The following KCNMA1 variants were observed in gnomAD, a reference collection of about 807,000 sequenced individuals.
KCNMA1 encodes the protein potassium calcium-activated channel subfamily M alpha 1.
In KCNMA1, 29 loss-of-function variants were observed where a neutral mutation model predicts 140.0. That is an observed-to-expected ratio of 0.21 (90% CI 0.15 to 0.28). The LOEUF (loss-of-function observed/expected upper bound fraction) is 0.28, where lower values mean the gene tolerates loss of function less well. Ranked by LOEUF, KCNMA1 falls within the 10% of genes least tolerant of loss-of-function variation. KCNMA1 has a pLI of 1.00. For missense variants in KCNMA1, 880 were observed against 1,602.2 expected (o/e 0.55, Z 7.70); for synonymous variants, 612 against 611.9 (o/e 1.00, Z 0.00).
intron 23 of KCNMA1, among the ~76,000 whole-genome samples, chr10:76,936,939 C>T (rs982871266): frequency 3.9e-5 from 6 of 152,192 alleles, no homozygotes; most frequent in African/African-American, 1.4e-4. Flanking sequence ...CTGACAAACA[C>T]CATAGCTCTC....
At chr10:77,608,962 T>C (rs1053742629) in intron 1 of KCNMA1, among the ~76,000 whole-genome samples, 1 of 152,082 alleles carries the variant, frequency 6.6e-6, no homozygotes, top group African/African-American at 2.4e-5. Flanking sequence ...GGTGTGGGTA[T>C]AAAGAAAAGA....
intron 2 of KCNMA1, among the ~76,000 whole-genome samples, chr10:77,380,226 T>C (rs1013676714): frequency 1.5e-4 from 23 of 152,280 alleles, no homozygotes; most frequent in African/African-American, 5.1e-4. Context: ...ACATGGTGGG[T>C]ATCAATATAA....
chr10:77,284,507 G>GTTATTA lies in KCNMA1; in HGVS notation c.541-33257_541-33252dup, dbSNP rs144439307. On this transcript the variant is annotated intron_variant, in intron 2 of 27. Transcript: ENST00000286628. ...CTCTTTCAGGGGAGACTCTGTTGTTGTTATTATTATTATTATTATTGCTCA... is the reference window on the plus strand; with the variant it reads ...CTCTTTCAGGGGAGACTCTGTTGTTGTTATTATTATTATTATTATTATTATTGCTCA... 1.1e-4 allele frequency among the ~76,000 whole-genome samples: 16 copies of GTTATTA among 151,654 alleles called. No homozygotes were observed. In the South Asian group the frequency reaches 3.4e-3, roughly 32 times the overall value.
At chr10:77,224,997 A>G (rs2154194571) in intron 3 of KCNMA1, among the ~76,000 whole-genome samples, 1 of 152,302 alleles carries the variant, frequency 6.6e-6, no homozygotes, top group East Asian at 1.9e-4. Flanking sequence ...TTTTCTGTTT[A>G]CTTCTATGGT....
chr10:77,307,241 A>T (rs1243683161), intron 2 of KCNMA1, among the ~76,000 whole-genome samples: 1 of 152,088 alleles, frequency 6.6e-6, no homozygotes, highest in Non-Finnish European at 1.5e-5. Flanking sequence ...GGCCTTCAGA[A>T]ATTTCTCCCT....
At chr10:76,946,560 C>T (rs1311928177) in intron 22 of KCNMA1, among the ~76,000 whole-genome samples, 2 of 152,126 alleles carry the variant, frequency 1.3e-5, no homozygotes, top group African/African-American at 4.8e-5. Context: ...GAGGAAGGGG[C>T]ATTTAGCACT....
At chr10:77,523,677 A>G (rs2054427769) in intron 1 of KCNMA1, among the ~76,000 whole-genome samples, 1 of 152,248 alleles carries the variant, frequency 6.6e-6, no homozygotes. Context: ...TTGAATATGC[A>G]TATACTTTGT....
chr10:77,120,121 C>T (rs1048025714), intron 6 of KCNMA1, among the ~76,000 whole-genome samples: 3 of 152,162 alleles, frequency 2.0e-5, no homozygotes, highest in African/African-American at 7.2e-5. Flanking sequence ...GCATGAAGGG[C>T]AACCAAAGAG....
intron 2 of KCNMA1, among the ~76,000 whole-genome samples, chr10:77,266,448 C>T (rs2063465876): frequency 6.6e-6 from 1 of 152,172 alleles, no homozygotes. Context: ...CTGTGCCAGC[C>T]AAACTTCGTA....
chr10:77,636,904 C>G (rs2093804966), intron 1 of KCNMA1: 2 of 1,419,874 alleles, frequency 1.4e-6, no homozygotes, highest in South Asian at 1.6e-5. Context: ...CCAGCTGCCC[C>G]CAGCTTCCTC....
chr10:77,518,353 G>C (rs1008170464), intron 1 of KCNMA1, among the ~76,000 whole-genome samples: 3 of 152,206 alleles, frequency 2.0e-5, no homozygotes, highest in African/African-American at 7.2e-5. Flanking sequence ...TCAGCACCCA[G>C]AACAGGCCAA....
chr10:76,955,966 T>C (rs2068108907), intron 20 of KCNMA1, among the ~76,000 whole-genome samples: 1 of 152,118 alleles, frequency 6.6e-6, no homozygotes, highest in Non-Finnish European at 1.5e-5. Context: ...GGAGAGAAAG[T>C]ATTACCTCAG....
At chr10:76,925,460 T>C (rs1215396949) in intron 23 of KCNMA1, among the ~76,000 whole-genome samples, 1 of 152,148 alleles carries the variant, frequency 6.6e-6, no homozygotes, top group Non-Finnish European at 1.5e-5. Context: ...GACAATGATA[T>C]CAAGGGGATA....
intron 2 of KCNMA1, among the ~76,000 whole-genome samples, chr10:77,311,613 C>G (rs531837336): frequency 6.6e-6 from 1 of 152,246 alleles, no homozygotes; most frequent in East Asian, 1.9e-4. Flanking sequence ...TAAAAAAGAT[C>G]AAGAGATTGA....
intron 5 of KCNMA1, among the ~76,000 whole-genome samples, chr10:77,168,403 G>A (rs1194780527): frequency 6.6e-6 from 1 of 152,138 alleles, no homozygotes; most frequent in Non-Finnish European, 1.5e-5. Context: ...ACATCATAAA[G>A]TACACTTAGA....
chr10:77,010,716 G>T (rs1403641089), intron 18 of KCNMA1, among the ~76,000 whole-genome samples: 1 of 151,858 alleles, frequency 6.6e-6, no homozygotes, highest in Non-Finnish European at 1.5e-5. Context: ...TAGATGACTG[G>T]TTCTACATTT....
chr10:77,073,200 A>C lies in KCNMA1; in HGVS notation c.1646T>G (p.Ile549Ser). The change falls in exon 14 of 28, where the codon ATC becomes AGC. Residue 549 changes from isoleucine to serine, a missense_variant. Transcript: ENST00000286628. Reference protein sequence around the residue: ...SWNWKEGDDAICLAELKLGFI... With the variant: ...SWNWKEGDDASCLAELKLGFI... ...GCCCAACTTCAACTCTGCGAGGCAG[A>C]TTGCGTCATCACCTTCTTTCCAATT... 6.2e-7 allele frequency: 1 copy of C among 1,614,236 alleles called. No homozygotes were observed. The highest frequency in any genetic ancestry group is 1.1e-5 in the South Asian group (1 of 91,092).
At chr10:77,489,101 CCTGTGAT>C (rs1177815491) in intron 1 of KCNMA1, among the ~76,000 whole-genome samples, 2 of 152,120 alleles carry the variant, frequency 1.3e-5, no homozygotes, top group Non-Finnish European at 2.9e-5. Flanking sequence ...CCAGGGCCTA[CCTGTGAT>C]CTCAGGGCGA....
At chr10:77,331,155 C>T (rs911276597) in intron 2 of KCNMA1, among the ~76,000 whole-genome samples, 20 of 152,090 alleles carry the variant, frequency 1.3e-4, no homozygotes, top group Non-Finnish European at 2.9e-5. Flanking sequence ...TCAATCATCA[C>T]ATGTGGCTTA....
Sources: allele counts gnomAD v4.1 joint callset (sites outside exome capture counted in the v4.1 genomes callset), GRCh38; gene constraint gnomAD v4.1.1; transcripts MANE v1.5; gene names NCBI Gene and HGNC (gene_info 2026-07-23, HGNC 2026-07-21).